The following NUDCD3 variants were observed in gnomAD, a reference collection of about 807,000 sequenced individuals.
The protein encoded by NUDCD3 is nudC domain-containing protein 3.
NUDCD3 carries 13 observed loss-of-function variants against 39.7 expected under a neutral mutation model. The ratio of observed to expected loss-of-function variants is 0.33; its 90% CI spans 0.21 to 0.52. The LOEUF (loss-of-function observed/expected upper bound fraction) is 0.52, where lower values mean the gene tolerates loss of function less well. Among genes scored for constraint, NUDCD3 ranks in the 20% least tolerant of loss-of-function variants. The pLI is 0.96. For missense variants in NUDCD3, 453 were observed against 458.1 expected (o/e 0.99, Z 0.10); for synonymous variants, 175 against 172.4 (o/e 1.02, Z -0.12).
chr7:44,396,362 A>ATTAT, intron 4 of NUDCD3, among the ~76,000 whole-genome samples: 1 of 152,304 alleles, frequency 6.6e-6, no homozygotes, highest in African/African-American at 2.4e-5. Context: ...CAAAATTTTA[A>ATTAT]TTATTTATTT....
At chr7:44,422,096 C>A (rs1799151120) in intron 3 of NUDCD3, among the ~76,000 whole-genome samples, 1 of 152,138 alleles carries the variant, frequency 6.6e-6, no homozygotes, top group African/African-American at 2.4e-5. Context: ...CCAATGAGAA[C>A]AAAGAGACAA....
intron 2 of NUDCD3, among the ~76,000 whole-genome samples, chr7:44,453,835 G>A (rs1290023413): frequency 6.6e-6 from 1 of 151,912 alleles, no homozygotes; most frequent in Non-Finnish European, 1.5e-5. Flanking sequence ...CTTGAGCCCA[G>A]GAGTTCAAGA....
intron 2 of NUDCD3, among the ~76,000 whole-genome samples, chr7:44,448,193 T>A (rs938732964): frequency 6.6e-6 from 1 of 152,192 alleles, no homozygotes; most frequent in Non-Finnish European, 1.5e-5. Flanking sequence ...TTTCCTTTGC[T>A]GCACGGCTGC....
intron 4 of NUDCD3, among the ~76,000 whole-genome samples, chr7:44,402,347 T>C (rs1345623283): frequency 1.3e-5 from 2 of 152,198 alleles, no homozygotes; most frequent in Non-Finnish European, 2.9e-5. Context: ...CCTATTCCAC[T>C]TGTATTATAC....
rs557846003 is a variant in NUDCD3, at chr7:44,422,214, T to C, written c.642+5357A>G. ...AAGATCTAAAATTGACACCCTAACA[T>C]TGCAATTAAAAGAACTAGACAAGCA... On this transcript the variant is annotated intron_variant, in intron 3 of 5. Transcript: ENST00000355451. Among the ~76,000 whole-genome samples the C allele has an allele frequency of 2.8e-4, 43 of 152,156 alleles. No homozygotes were observed. The Middle Eastern group carries it at 0.01, about 36-fold the overall frequency.
At chr7:44,477,955 T>A (rs1193677037) in intron 2 of NUDCD3, among the ~76,000 whole-genome samples, 1 of 150,020 alleles carries the variant, frequency 6.7e-6, no homozygotes, top group Non-Finnish European at 1.5e-5. Flanking sequence ...TGCCTCAGCC[T>A]CCTGTGTAGC....
chr7:44,412,407 T>C (rs1798943751), intron 3 of NUDCD3, among the ~76,000 whole-genome samples: 1 of 152,260 alleles, frequency 6.6e-6, no homozygotes. Flanking sequence ...TCAGCTTCAG[T>C]TGTATCTAAT....
At position 44,490,490 on chromosome 7, in the gene NUDCD3, C is replaced by G. The variant is rs1800716375; in HGVS notation, c.111G>C (p.Lys37Asn). The stretch of plus-strand genomic sequence containing the variant: ...GGCGCAGCAAGCGATAGAAGTCTGT[C>G]TTGCGGTAGAGGAAGCCAAAGAGAA... ...LRVLFGFLYRKTDFYRLLRHP... is the reference protein window; with the variant it reads ...LRVLFGFLYRNTDFYRLLRHP... Residue 37 changes from lysine to asparagine, a missense_variant, in exon 1 of 6, where the codon AAG becomes AAC. By Grantham distance (94) the Lys-to-Asn change is moderately conservative. Transcript: ENST00000355451. 6.2e-7 allele frequency: 1 copy of G among 1,609,520 alleles called. No individual in the cohort carries two copies.
chr7:44,447,566 G>C (rs956309675), intron 2 of NUDCD3, among the ~76,000 whole-genome samples: 1 of 152,150 alleles, frequency 6.6e-6, no homozygotes, highest in Non-Finnish European at 1.5e-5. Context: ...CCCCTCCAAA[G>C]GACACAGCAT....
At chr7:44,485,329 C>T (rs774612095) in intron 1 of NUDCD3, 45 bp from the exon 2 acceptor site, 2 of 1,424,126 alleles carry the variant, frequency 1.4e-6, no homozygotes, top group Non-Finnish European at 1.9e-6. Context: ...CTGCCCAATA[C>T]TGTACCACAT....
In NUDCD3 at chr7:44,430,562, ACACACACT is replaced by A. The variant is rs1228028091; in HGVS notation, c.510-2867_510-2860del. Among the ~76,000 whole-genome samples, 260 of 140,132 alleles carry A rather than the reference ACACACACT, an allele frequency of 1.9e-3. 4 individuals are homozygous for A. Among genetic ancestry groups the A allele is most frequent in the South Asian group, 0.015 (67 of 4,616 alleles). The allele number at this position is 140,132 out of a possible 152,430, so 91.9% of individuals were successfully genotyped here. A position where few individuals can be genotyped will look rare whatever the true frequency, so the allele number is the denominator to read the frequency against. On this transcript the variant is annotated intron_variant, in intron 2 of 5. Coordinates refer to ENST00000355451, the MANE Select transcript of NUDCD3 (RefSeq NM_015332.4). ...ATATATAAATAAAATACCCACACACACACACACTCACACACACACACACACACACACAC... is the reference window on the plus strand; with the variant it reads ...ATATATAAATAAAATACCCACACACACACACACACACACACACACACACAC...
rs17724986 is a variant in NUDCD3 at position 44,460,803 on chromosome 7, T to C, written c.509+24165A>G. Among the ~76,000 whole-genome samples the C allele has an allele frequency of 0.023, 3,499 of 152,316 alleles. 315 individuals are homozygous for C. The East Asian group carries it at 0.31, about 13-fold the overall frequency. ...CCTGGATCCAGTACTAACTCTAACC[T>C]ATACTAAATTTCACAAATACTATAA... On this transcript the variant is annotated intron_variant, in intron 2 of 5. Transcript: ENST00000355451.
chr7:44,452,123 C>T (rs959195016), intron 2 of NUDCD3, among the ~76,000 whole-genome samples: 1 of 152,178 alleles, frequency 6.6e-6, no homozygotes, highest in Non-Finnish European at 1.5e-5. Flanking sequence ...CATCCCAAGT[C>T]CCAGGGACAA....
At position 44,427,563 on chromosome 7, in the gene NUDCD3, G is replaced by A. The variant is rs760493471; in HGVS notation, c.642+8C>T. On this transcript the variant is annotated splice_region_variant and intron_variant, in intron 3 of 5. Coordinates refer to ENST00000355451, the MANE Select transcript of NUDCD3 (RefSeq NM_015332.4). ...AAGCCGCCCACCCCTACCCGCCAAG[G>A]CCATTACCTGCTTTCCCTTCACCAC... 5.0e-6 allele frequency: 8 copies of A among 1,611,488 alleles called. No homozygotes were observed. Among genetic ancestry groups the A allele is most frequent in the Non-Finnish European group, 6.8e-6 (8 of 1,178,764 alleles).
At chr7:44,456,043 A>AAAAAAAAC (rs1298358843) in intron 2 of NUDCD3, among the ~76,000 whole-genome samples, 29 of 137,938 alleles carry the variant, frequency 2.1e-4, no homozygotes, top group African/African-American at 6.9e-4. Context: ...AAAAAAAAAA[A>AAAAAAAAC]AAAAAAACAA....
chr7:44,474,282 T>A (rs575671594), intron 2 of NUDCD3, among the ~76,000 whole-genome samples: 4 of 152,222 alleles, frequency 2.6e-5, no homozygotes, highest in Non-Finnish European at 5.9e-5. Context: ...GGCTAGTTTT[T>A]AAAAAGTATC....
intron 2 of NUDCD3, among the ~76,000 whole-genome samples, chr7:44,466,485 G>C (rs1469196557): frequency 4.6e-5 from 7 of 152,196 alleles, no homozygotes; most frequent in Admixed American, 4.6e-4. Context: ...AAGGCCTCAG[G>C]AAGGAGGCTG....
chr7:44,464,961 G>A (rs901739832), intron 2 of NUDCD3, among the ~76,000 whole-genome samples: 1 of 152,110 alleles, frequency 6.6e-6, no homozygotes, highest in Non-Finnish European at 1.5e-5. Flanking sequence ...CAGGGGCCGA[G>A]CCGAGGGCAG....
intron 5 of NUDCD3, 95 bp from the exon 6 acceptor site, chr7:44,386,216 C>A: frequency 7.3e-7 from 1 of 1,367,624 alleles, no homozygotes; most frequent in South Asian, 1.3e-5. Context: ...AGCCTTCTTG[C>A]TTCCTCAGGG....
Sources: allele counts gnomAD v4.1 joint callset (sites outside exome capture counted in the v4.1 genomes callset), GRCh38; gene constraint gnomAD v4.1.1; transcripts MANE v1.5; gene names NCBI Gene and HGNC (gene_info 2026-07-23, HGNC 2026-07-21).